The following LPIN1 variants were observed in gnomAD, a reference collection of about 807,000 sequenced individuals.
LPIN1 encodes lipin 1.
LPIN1 carries 71 observed loss-of-function variants against 107.5 expected under a neutral mutation model. The ratio of observed to expected loss-of-function variants is 0.66; its 90% CI spans 0.55 to 0.80. The LOEUF (loss-of-function observed/expected upper bound fraction) is 0.80, where lower values mean the gene tolerates loss of function less well. Among genes scored for constraint, LPIN1 ranks in the 30% least tolerant of loss-of-function variants. The pLI is 0.00. For missense variants in LPIN1, 1,043 were observed against 1,160.6 expected (o/e 0.90, Z 1.47); for synonymous variants, 445 against 452.6 (o/e 0.98, Z 0.21).
intron 11 of LPIN1, 89 bp from the exon 12 acceptor site, chr2:11,788,298 G>T: frequency 1.0e-6 from 1 of 1,002,750 alleles, no homozygotes; most frequent in South Asian, 1.3e-5. Context: ...CTGGAGTCCC[G>T]AGCTTTCCTT....
At chr2:11,816,165 C>G (rs1294834927) in intron 18 of LPIN1, 1 of 152,194 alleles carries the variant, frequency 6.6e-6, no homozygotes, top group East Asian at 1.9e-4. Flanking sequence ...TCCTTTAGCT[C>G]TGTAGGTACC....
intron 1 of LPIN1, among the ~76,000 whole-genome samples, chr2:11,759,335 C>T (rs926542892): frequency 2.0e-5 from 3 of 151,816 alleles, no homozygotes; most frequent in East Asian, 1.9e-4. Flanking sequence ...TGGGGCCTTC[C>T]GCAGTGTTTG....
chr2:11,773,793 A>T lies in LPIN1; in HGVS notation c.722+48A>T, dbSNP rs2304567. On this transcript the variant is annotated intron_variant, in intron 5 of 20. Transcript: ENST00000674199. The stretch of plus-strand genomic sequence containing the variant: ...GGCCCAGTGCAGAGGCTTAGAAGTC[A>T]GTGATAGGAAGCAATTCTAAGAAAA... The T allele has an allele frequency of 5.5e-4, 874 of 1,594,706 alleles. 7 individuals are homozygous for T. The East Asian group carries it at 0.017, about 31-fold the overall frequency.
chr2:11,743,963 T>C (rs547764873), upstream of LPIN1, among the ~76,000 whole-genome samples: 4 of 152,336 alleles, frequency 2.6e-5, no homozygotes, highest in South Asian at 2.1e-4. This position sits in a 1 kb window ranked among gnomAD's most constrained non-coding sequence, Gnocchi z 4.7. Context: ...CCTCAACTTA[T>C]GGGGTTTTAG....
In LPIN1 at chr2:11,714,775, A is replaced by G. The variant is rs191586012; in HGVS notation, c.138+963A>G. Among the ~76,000 whole-genome samples, 239 of 152,352 alleles carry G rather than the reference A, an allele frequency of 1.6e-3. 1 individual carries two copies. Among genetic ancestry groups the G allele is most frequent in the Middle Eastern group, 0.01 (3 of 294 alleles). On this transcript the variant is annotated intron_variant, in intron 2 of 21. Transcript: ENST00000449576. The stretch of plus-strand genomic sequence containing the variant: ...GTGGCCTGGTCCAAGCCTTGTGGCT[A>G]CGGAACAAAAGTAACACTTAGTCTC...
At chr2:11,677,595 A>G (rs1438547087) in exon 1 of LPIN1, 1 of 1,355,828 alleles carries the variant, frequency 7.4e-7, no homozygotes, top group Non-Finnish European at 1.0e-6. Flanking sequence ...GCCGGGGGAC[A>G]TTTCTCTCCT....
upstream of LPIN1, among the ~76,000 whole-genome samples, chr2:11,719,719 G>A (rs778705501): frequency 3.3e-5 from 5 of 151,774 alleles, no homozygotes; most frequent in African/African-American, 1.2e-4. Flanking sequence ...GAGCTCTTAC[G>A]CAGGTGCCCC....
At chr2:11,737,552 A>G (rs1317905540) in intron 1 of LPIN1, among the ~76,000 whole-genome samples, 2 of 152,222 alleles carry the variant, frequency 1.3e-5, no homozygotes, top group African/African-American at 2.4e-5. Flanking sequence ...AAAACCAAAC[A>G]ACCCCATCAA....
intron 1 of LPIN1, among the ~76,000 whole-genome samples, chr2:11,693,962 A>T (rs934043853): frequency 1.4e-5 from 2 of 147,808 alleles, no homozygotes; most frequent in Non-Finnish European, 3.0e-5. Flanking sequence ...AGCCTCCCGA[A>T]TAGCTGGGAT....
Position 11,791,969 on chromosome 2 carries a change from G to A in LPIN1, c.1769G>A (p.Trp590Ter). ...ATGCCCAAAAAGGGAGGAAGATGGT[G>A]GTTTTCATGGAGGGGAAGAAACACC... ...DKMPKKGGRW[W>*]FSWRGRNTTI... The change falls in exon 13 of 21, where the codon TGG becomes TAG. Residue 590 changes from tryptophan to a stop codon, truncating the protein, a stop_gained. Transcript: ENST00000674199. LOFTEE classifies it high-confidence loss of function. 1 of 1,613,996 alleles carries A rather than the reference G, an allele frequency of 6.2e-7. No homozygotes were observed. Among genetic ancestry groups the A allele is most frequent in the Non-Finnish European group, 8.5e-7 (1 of 1,179,924 alleles).
intron 1 of LPIN1, among the ~76,000 whole-genome samples, chr2:11,713,372 G>A (rs1572373703): frequency 6.6e-6 from 1 of 152,200 alleles, no homozygotes; most frequent in South Asian, 2.1e-4. Flanking sequence ...CAGGGTTCAA[G>A]TGATTCTCCT....
intron 17 of LPIN1, among the ~76,000 whole-genome samples, chr2:11,806,563 C>A (rs976082837): frequency 1.3e-5 from 2 of 152,084 alleles, no homozygotes; most frequent in African/African-American, 4.8e-5. Flanking sequence ...AGATTCCCCC[C>A]CATCTCTCTA....
chr2:11,788,497 G>T, intron 12 of LPIN1, 41 bp downstream of exon 12: 1 of 1,447,818 alleles, frequency 6.9e-7, no homozygotes, highest in Non-Finnish European at 9.7e-7. Context: ...TGCTAGAAAT[G>T]ATGGGTAGCT....
rs1212894426 is a variant in LPIN1 at position 11,774,387 on chromosome 2, C to A, written c.722+642C>A. ...TTCTCAACACAGGAAATAATATAAC[C>A]CCCATTGGGATGAAAATTCATTCTT... is the stretch of plus-strand genomic sequence containing the variant. On this transcript the variant is annotated intron_variant, in intron 5 of 20. Coordinates refer to ENST00000674199, the MANE Select transcript of LPIN1 (RefSeq NM_001349206.2). The surrounding 1 kb of genome is among the most constrained non-coding windows in gnomAD (Gnocchi z 4.4). Among the ~76,000 whole-genome samples, 1 of 152,064 alleles carries A rather than the reference C, an allele frequency of 6.6e-6. No individual in the cohort carries two copies. The highest frequency in any genetic ancestry group is 1.5e-5 in the Non-Finnish European group (1 of 68,004).
chr2:11,820,700 TAAATC>T (rs1157168856), intron 20 of LPIN1, among the ~76,000 whole-genome samples, 186 bp downstream of exon 20: 2 of 152,262 alleles, frequency 1.3e-5, no homozygotes, highest in Non-Finnish European at 2.9e-5. Context: ...CAACTGGAAT[TAAATC>T]AGATCCCTTC....
At chr2:11,811,938 T>A (rs1235560769) in intron 17 of LPIN1, among the ~76,000 whole-genome samples, 2 of 152,082 alleles carry the variant, frequency 1.3e-5, no homozygotes, top group African/African-American at 4.8e-5. Context: ...TGAGCTGAGA[T>A]CGTGCCACTG....
upstream of LPIN1, chr2:11,745,961 A>G (rs1304694238): frequency 1.3e-5 from 2 of 152,170 alleles, no homozygotes; most frequent in African/African-American, 4.8e-5. Context: ...TCACCACCAG[A>G]CGTTATGTGG....
chr2:11,764,103 T>TATAC lies in LPIN1; in HGVS notation c.-9-1429_-9-1428insTACA, dbSNP rs1553422099. The TATAC allele has an allele frequency of 4.4e-3, 537 of 121,728 alleles. 5 individuals are homozygous for TATAC. Among genetic ancestry groups the TATAC allele is most frequent in the African/African-American group, 0.015 (452 of 29,604 alleles). The allele number at this position is 121,728 out of a possible 1,614,324, so 7.5% of individuals were successfully genotyped here. On this transcript the variant is annotated intron_variant, in intron 1 of 20. Transcript: ENST00000674199. ...GTATATATATATATATATATATATA[T>TATAC]ACACACACACACACACAACGACTAA... is the stretch of plus-strand genomic sequence containing the variant.
intron 1 of LPIN1, among the ~76,000 whole-genome samples, chr2:11,694,460 G>A (rs1039279397): frequency 1.3e-5 from 2 of 152,188 alleles, no homozygotes; most frequent in Non-Finnish European, 2.9e-5. Flanking sequence ...TCTGGCCACT[G>A]CCACTTCCGT....
Sources: allele counts gnomAD v4.1 joint callset (sites outside exome capture counted in the v4.1 genomes callset), GRCh38; gene constraint gnomAD v4.1.1; non-coding constraint Gnocchi (gnomAD v3.1); transcripts MANE v1.5; gene names NCBI Gene and HGNC (gene_info 2026-07-23, HGNC 2026-07-21).